The following SLC2A5 variants were observed in gnomAD, a reference collection of about 807,000 sequenced individuals.
The protein encoded by SLC2A5 is solute carrier family 2 member 5.
A neutral mutation model predicts 50.3 loss-of-function variants in SLC2A5; 56 were observed. The observed-to-expected ratio is 1.11, with a 90% CI of 0.90 to 1.39. SLC2A5 has a LOEUF of 1.39. SLC2A5 is among the 40% of genes most tolerant of loss of function. SLC2A5 has a pLI of 0.00. For missense variants in SLC2A5, 566 were observed against 650.1 expected, an observed-to-expected ratio of 0.87 and a Z score of 1.41; for synonymous variants, 269 against 281.9, an observed-to-expected ratio of 0.95 and a Z score of 0.46.
chr1:9,083,386 G>A (rs191314091), intron 2 of SLC2A5, among the ~76,000 whole-genome samples: 1 of 152,342 alleles, frequency 6.6e-6, no homozygotes, highest in East Asian at 1.9e-4. Context: ...TGCATGACTA[G>A]CAAAAGGAAA....
chr1:9,062,286 A>T (rs1467621162), intron 1 of SLC2A5, among the ~76,000 whole-genome samples: 1 of 152,170 alleles, frequency 6.6e-6, no homozygotes, highest in African/African-American at 2.4e-5. Context: ...AAGAAGAAAA[A>T]CACAGGAGTG....
intron 1 of SLC2A5, 55 bp from the exon 2 acceptor site, chr1:9,058,305 C>T (rs894297918): frequency 1.6e-5 from 19 of 1,195,974 alleles, no homozygotes; most frequent in South Asian, 4.9e-5. Context: ...AGGGCCCTCC[C>T]GCTTTACTTC....
At chr1:9,081,096 A>C (rs1220907939) in intron 2 of SLC2A5, among the ~76,000 whole-genome samples, 3 of 151,826 alleles carry the variant, frequency 2.0e-5, no homozygotes, top group African/African-American at 7.3e-5. Context: ...AAAACAAATA[A>C]ACAAACAAAA....
At chr1:9,073,405 CTT>C (rs1642246618), upstream of SLC2A5, among the ~76,000 whole-genome samples, 1 of 152,230 alleles carries the variant, frequency 6.6e-6, no homozygotes, top group South Asian at 2.1e-4. Flanking sequence ...CTTCCAGAAA[CTT>C]TGCTCTCTTA....
At chr1:9,076,152 C>T (rs912740773) in intron 2 of SLC2A5, among the ~76,000 whole-genome samples, 10 of 151,890 alleles carry the variant, frequency 6.6e-5, no homozygotes, top group East Asian at 1.9e-4. Flanking sequence ...GGCGGGGTTT[C>T]GCCATGTTGG....
intron 3 of SLC2A5, among the ~76,000 whole-genome samples, chr1:9,055,064 G>A (rs1215415961): frequency 6.6e-6 from 1 of 152,168 alleles, no homozygotes; most frequent in Non-Finnish European, 1.5e-5. Context: ...GCAACAGATT[G>A]AGAAGATATT....
chr1:9,047,245 G>C (rs570018530), intron 4 of SLC2A5, among the ~76,000 whole-genome samples: 5 of 152,268 alleles, frequency 3.3e-5, no homozygotes, highest in African/African-American at 1.2e-4. Flanking sequence ...GCAGGTGTGA[G>C]CCACTGCACT....
intron 1 of SLC2A5, among the ~76,000 whole-genome samples, chr1:9,060,655 ACACACACACACCC>A (rs1347290157): frequency 4.3e-5 from 3 of 70,560 alleles, no homozygotes. Context: ...CACACCCCCC[ACACACACACACCC>A]CACACACACA....
chr1:9,067,849 T>C (rs529088633), intron 1 of SLC2A5, among the ~76,000 whole-genome samples: 2 of 152,136 alleles, frequency 1.3e-5, no homozygotes, highest in South Asian at 4.1e-4. Flanking sequence ...CAAATGGAAA[T>C]CACGCGGAGG....
At chr1:9,070,072 GTTTTTTT>G (rs56828280), upstream of SLC2A5, among the ~76,000 whole-genome samples, 53 of 62,514 alleles carry the variant, frequency 8.5e-4, no homozygotes, top group Admixed American at 2.1e-3. Context: ...CTCATTTTCT[GTTTTTTT>G]TTTTTTTTTT....
intron 1 of SLC2A5, among the ~76,000 whole-genome samples, chr1:9,059,165 C>A (rs1328742316): frequency 2.3e-5 from 1 of 43,220 alleles, no homozygotes. Flanking sequence ...TTTTTTGACA[C>A]AGAGTCTTGC....
chr1:9,053,319 TTATATATTATATATTTATATACTATATA>T (rs1641650729), intron 3 of SLC2A5, among the ~76,000 whole-genome samples: 2 of 7,740 alleles, frequency 2.6e-4, no homozygotes, highest in South Asian at 4.2e-3. Context: ...TATATTGTAT[TTATATATTATATATTTATATACTATATA>T]TATTTATATA....
At chr1:9,063,796 C>G (rs1210300322) in intron 1 of SLC2A5, among the ~76,000 whole-genome samples, 1 of 134,078 alleles carries the variant, frequency 7.5e-6, no homozygotes, top group African/African-American at 3.0e-5. Context: ...CCCGGGTTCA[C>G]GCCATTCTCC....
chr1:9,043,268 T>G (rs1569847301), intron 4 of SLC2A5, among the ~76,000 whole-genome samples: 1 of 152,120 alleles, frequency 6.6e-6, no homozygotes, highest in African/African-American at 2.4e-5. Flanking sequence ...TTGATAGAAC[T>G]GAGATAGGAG....
intron 5 of SLC2A5, chr1:9,041,527 A>T (rs1232343353): frequency 7.4e-7 from 1 of 1,349,934 alleles, no homozygotes; most frequent in African/African-American, 1.5e-5. Context: ...GCAGGCAGGG[A>T]AGCCCATCAC....
intron 2 of SLC2A5, among the ~76,000 whole-genome samples, chr1:9,082,063 C>G (rs971218055): frequency 6.6e-6 from 1 of 152,128 alleles, no homozygotes; most frequent in South Asian, 2.1e-4. Flanking sequence ...GCCTGGGAGA[C>G]AGAGCAAGAC....
At chr1:9,063,683 T>A (rs1463393078) in intron 1 of SLC2A5, among the ~76,000 whole-genome samples, 1 of 20,042 alleles carries the variant, frequency 5.0e-5, no homozygotes, top group Non-Finnish European at 8.2e-5. Context: ...ATTATTTACT[T>A]TTTTTTTTTT....
chr1:9,055,910 T>C (rs1172605304), intron 3 of SLC2A5, among the ~76,000 whole-genome samples: 1 of 152,144 alleles, frequency 6.6e-6, no homozygotes, highest in Non-Finnish European at 1.5e-5. Flanking sequence ...AGCAAGACTC[T>C]ACCTCAAAAA....
chr1:9,049,347 A>G (rs1185321611), intron 3 of SLC2A5: 1 of 370,712 alleles, frequency 2.7e-6, no homozygotes, highest in Non-Finnish European at 5.4e-6. Flanking sequence ...TCCAAATAGT[A>G]CTGTATTGGA....
Sources: allele counts gnomAD v4.1 joint callset (sites outside exome capture counted in the v4.1 genomes callset), GRCh38; gene constraint gnomAD v4.1.1; transcripts MANE v1.5; gene names NCBI Gene and HGNC (gene_info 2026-07-23, HGNC 2026-07-21).